CDKL5: variants seen among roughly 807,000 people sequenced by gnomAD.
CDKL5 encodes cyclin-dependent kinase-like 5.
CDKL5 carries 8 observed loss-of-function variants against 61.7 expected under a neutral mutation model. The ratio of observed to expected loss-of-function variants is 0.13; its 90% CI spans 0.08 to 0.23. The LOEUF (loss-of-function observed/expected upper bound fraction) is 0.23, where lower values mean the gene tolerates loss of function less well. CDKL5 is among the 10% of genes least tolerant of loss of function. The pLI is 1.00. For missense variants in CDKL5, 440 were observed against 734.5 expected (o/e 0.60, Z 4.63); for synonymous variants, 275 against 272.3 (o/e 1.01, Z -0.10).
At chrX:18,484,687 G>C (rs1274700620) in intron 1 of CDKL5, among the ~76,000 whole-genome samples, 1 of 110,616 alleles carries the variant, frequency 9.0e-6, no homozygotes, top group African/African-American at 3.3e-5. Flanking sequence ...TTCTTTCTCT[G>C]TATCTTTTTT....
At chrX:18,561,072 G>A (rs1924790063) in intron 3 of CDKL5, among the ~76,000 whole-genome samples, 1 of 111,112 alleles carries the variant, frequency 9.0e-6, no homozygotes, top group African/African-American at 3.3e-5. Flanking sequence ...AAATATCCTA[G>A]TATATAGATT....
chrX:18,622,127 G>A (rs1165648403), intron 16 of CDKL5, among the ~76,000 whole-genome samples: 1 of 112,137 alleles, frequency 8.9e-6, no homozygotes, highest in African/African-American at 3.2e-5. Flanking sequence ...TGTGGCACAA[G>A]TAGAGTATAC....
intron 17 of CDKL5, chrX:18,626,661 C>CCGCTCT (rs1927053384): frequency 4.2e-5 from 1 of 23,953 alleles, no homozygotes; most frequent in Non-Finnish European, 8.0e-5. Context: ...ACCAAGAAGC[C>CCGCTCT]CTCTCTCTCT....
At chrX:18,431,115 G>A (rs1425858190) in intron 1 of CDKL5, among the ~76,000 whole-genome samples, 1 of 109,191 alleles carries the variant, frequency 9.2e-6, no homozygotes, top group Non-Finnish European at 1.9e-5. Context: ...TTCCTGCCTC[G>A]GCCTCCCAAA....
In CDKL5 at chrX:18,637,950, C is replaced by T. The variant is rs1177603900; in HGVS notation, c.*9193C>T. On this transcript the variant is annotated 3_prime_UTR_variant, in exon 18 of 18. Transcript: ENST00000623535. ...AGATGCACGTAGCCTATTTGATCTT[C>T]GTATCAGCCCTGTAAGGTTGGGCTT... is the stretch of plus-strand genomic sequence containing the variant. 1.8e-5 allele frequency: 2 copies of T among 111,669 alleles called. No homozygotes were observed. Among genetic ancestry groups the T allele is most frequent in the African/African-American group, 3.3e-5 (1 of 30,666 alleles). The allele number at this position is 111,669 out of a possible 1,213,427, so 9.2% of individuals were successfully genotyped here.
chrX:18,530,534 G>A (rs777607825), intron 3 of CDKL5, among the ~76,000 whole-genome samples: 1 of 110,750 alleles, frequency 9.0e-6, no homozygotes, highest in Non-Finnish European at 1.9e-5. Flanking sequence ...CTTCCTTAGA[G>A]TTATGTATGC....
intron 1 of CDKL5, among the ~76,000 whole-genome samples, chrX:18,476,150 A>G (rs1235853207): frequency 9.0e-6 from 1 of 111,663 alleles, no homozygotes; most frequent in Non-Finnish European, 1.9e-5. Flanking sequence ...GAGCTCTCTC[A>G]TTAGGTGCAA....
At chrX:18,536,991 C>CTT (rs377081484) in intron 3 of CDKL5, among the ~76,000 whole-genome samples, 5 of 95,846 alleles carry the variant, frequency 5.2e-5, no homozygotes, top group African/African-American at 1.9e-4. Flanking sequence ...AAAAATGTAG[C>CTT]TTTTTTTTTT....
chrX:18,607,753 A>G (rs760944833), intron 12 of CDKL5, among the ~76,000 whole-genome samples: 1 of 112,194 alleles, frequency 8.9e-6, no homozygotes, highest in African/African-American at 3.2e-5. Context: ...CTGAGTTTAT[A>G]TTAGATGTTA....
At chrX:18,505,618 C>G (rs1200581187) in intron 1 of CDKL5, among the ~76,000 whole-genome samples, 1 of 111,860 alleles carries the variant, frequency 8.9e-6, no homozygotes, top group Non-Finnish European at 1.9e-5. Flanking sequence ...GGGCTTGTCT[C>G]TTGCTTCTTG....
chrX:18,628,904 G>T lies in CDKL5; in HGVS notation c.*147G>T. 10 of 1,064,872 alleles carry T rather than the reference G, an allele frequency of 9.4e-6. No homozygotes were observed. Among genetic ancestry groups the T allele is most frequent in the Non-Finnish European group, 9.6e-6 (8 of 830,754 alleles). The allele number at this position is 1,064,872 out of a possible 1,213,427, so 87.8% of individuals were successfully genotyped here. The stretch of plus-strand genomic sequence containing the variant: ...GTGTGTGCAATATTGCATGTGTTGG[G>T]GCCGTTGAGCTCCTCGCGGCCACAA... On this transcript the variant is annotated 3_prime_UTR_variant, in exon 18 of 18. Transcript: ENST00000623535.
intron 2 of CDKL5, among the ~76,000 whole-genome samples, chrX:18,509,197 GCACACACACACACACACA>G (rs60516677): frequency 0.015 from 967 of 64,299 alleles, 5 homozygotes; most frequent in South Asian, 0.035. Context: ...CTCAAAACAC[GCACACACACACACACACA>G]CACACACACA....
chrX:18,560,212 A>T (rs1351878893), intron 3 of CDKL5, among the ~76,000 whole-genome samples: 2 of 111,817 alleles, frequency 1.8e-5, no homozygotes, highest in African/African-American at 6.5e-5. Flanking sequence ...CGCCACACTA[A>T]CTTCCACAAT....
At chrX:18,538,905 C>T (rs1335062325) in intron 3 of CDKL5, among the ~76,000 whole-genome samples, 1 of 112,354 alleles carries the variant, frequency 8.9e-6, no homozygotes, top group African/African-American at 3.2e-5. Context: ...TATTCAATTT[C>T]TTTAATAATT....
intron 3 of CDKL5, among the ~76,000 whole-genome samples, chrX:18,541,611 G>A (rs959416880): frequency 9.0e-6 from 1 of 111,361 alleles, no homozygotes; most frequent in Non-Finnish European, 1.9e-5. Context: ...GCTCACTGCA[G>A]CCTTCACCTC....
At chrX:18,493,054 T>G (rs1301558631) in intron 1 of CDKL5, among the ~76,000 whole-genome samples, 2 of 111,274 alleles carry the variant, frequency 1.8e-5, no homozygotes, top group African/African-American at 6.5e-5. Context: ...CCCTGTTCCC[T>G]CCTGACTTGG....
At chrX:18,650,232 G>A in intron 20 of CDKL5, 1 of 501,634 alleles carries the variant, frequency 2.0e-6, no homozygotes, top group Non-Finnish European at 3.5e-6. Flanking sequence ...CCAGGCAGCA[G>A]AGAATGTGTG....
At chrX:18,600,921 A>G (rs1239170110) in intron 11 of CDKL5, among the ~76,000 whole-genome samples, 2 of 112,250 alleles carry the variant, frequency 1.8e-5, no homozygotes, top group East Asian at 2.8e-4. Context: ...ACCACATTTT[A>G]CATATATCTG....
chrX:18,445,372 C>T (rs1472276291), intron 1 of CDKL5, among the ~76,000 whole-genome samples: 1 of 112,085 alleles, frequency 8.9e-6, no homozygotes, highest in East Asian at 2.8e-4. Flanking sequence ...GCCACCGCAT[C>T]CAGCCTGTTT....
Sources: allele counts gnomAD v4.1 joint callset (sites outside exome capture counted in the v4.1 genomes callset), GRCh38; gene constraint gnomAD v4.1.1; transcripts MANE v1.5; gene names NCBI Gene and HGNC (gene_info 2026-07-23, HGNC 2026-07-21).